Variants in ADAM7 observed in about 807,000 individuals in gnomAD.
The protein encoded by ADAM7 is ADAM metallopeptidase domain 7.
In ADAM7, 97 loss-of-function variants were observed where a neutral mutation model predicts 102.9. The observed-to-expected ratio is 0.94, with a 90% CI of 0.80 to 1.12. The LOEUF (loss-of-function observed/expected upper bound fraction) is 1.12, where lower values mean the gene tolerates loss of function less well. Among genes scored for constraint, ADAM7 ranks in the 50% most tolerant of loss-of-function variants. The pLI is 0.00. For synonymous variants in ADAM7, 334 were observed against 304.4 expected, an observed-to-expected ratio of 1.10 and a Z score of -1.01; for missense variants, 991 against 908.7, an observed-to-expected ratio of 1.09 and a Z score of -1.16.
chr8:24,446,645 GA>G (rs951432703), intron 2 of ADAM7, among the ~76,000 whole-genome samples: 96 of 151,870 alleles, frequency 6.3e-4, no homozygotes, highest in African/African-American at 2.0e-3. Context: ...ATTAAAATAG[GA>G]AATAGTCATG....
chr8:24,499,442 T>G (rs1040052533), intron 17 of ADAM7, 126 bp downstream of exon 17: 1 of 668,712 alleles, frequency 1.5e-6, no homozygotes, highest in African/African-American at 1.9e-5. Context: ...CAAATATATA[T>G]TTGGGATTCA....
intron 20 of ADAM7, chr8:24,506,189 G>C (rs1330441966): frequency 1.4e-6 from 2 of 1,456,798 alleles, no homozygotes; most frequent in Admixed American, 4.6e-5. Flanking sequence ...TTGGTGGTGG[G>C]CTATGTCCTT....
chr8:24,467,735 T>A (rs767136607), intron 6 of ADAM7: 3 of 152,250 alleles, frequency 2.0e-5, no homozygotes, highest in Non-Finnish European at 1.5e-5. Context: ...GAAAGCTGAA[T>A]ACTTAGAAGA....
rs1818361188 is a variant in ADAM7 at position 24,441,179 on chromosome 8, A to C, written c.52+19A>C. The C allele has an allele frequency of 6.3e-7, 1 of 1,599,428 alleles. No individual in the cohort carries two copies. The highest frequency in any genetic ancestry group is 1.7e-5 in the Admixed American group (1 of 59,944). On this transcript the variant is annotated intron_variant, in intron 1 of 21. Coordinates refer to ENST00000175238, the MANE Select transcript of ADAM7 (RefSeq NM_003817.4). ...GTTAAAGGTATGTCTTGCTCTTTTT[A>C]TCAGGACTTTCTTATTATGCTGTGA...
chr8:24,454,459 G>C (rs111624419), intron 3 of ADAM7, among the ~76,000 whole-genome samples: 1 of 152,172 alleles, frequency 6.6e-6, no homozygotes, highest in African/African-American at 2.4e-5. Flanking sequence ...CTCCGAGCCA[G>C]GTGCGGGATA....
At chr8:24,449,864 A>G (rs1416140138) in intron 3 of ADAM7, among the ~76,000 whole-genome samples, 1 of 152,230 alleles carries the variant, frequency 6.6e-6, no homozygotes, top group Non-Finnish European at 1.5e-5. Context: ...AGCTTTCTAC[A>G]TATGGCTAGC....
intron 7 of ADAM7, among the ~76,000 whole-genome samples, chr8:24,472,075 A>C (rs1330607264): frequency 6.6e-6 from 1 of 151,380 alleles, no homozygotes; most frequent in East Asian, 1.9e-4. Context: ...GAGCACCAAA[A>C]GGATACAAAA....
At chr8:24,500,085 T>G in intron 17 of ADAM7, 93 bp from the exon 18 acceptor site, 1 of 1,075,974 alleles carries the variant, frequency 9.3e-7, no homozygotes, top group Non-Finnish European at 1.3e-6. Flanking sequence ...TGTGTGCATG[T>G]ATGTTTGATG....
At chr8:24,490,355 G>A (rs1347040443) in intron 12 of ADAM7, 2 of 153,582 alleles carry the variant, frequency 1.3e-5, no homozygotes, top group African/African-American at 4.8e-5. Flanking sequence ...TGAGAAAATA[G>A]GGCATAAGTT....
In ADAM7 at chr8:24,487,276, C is replaced by T; in HGVS notation, c.1050C>T (p.Cys350=). 1.9e-6 allele frequency: 3 copies of T among 1,613,878 alleles called. No individual in the cohort carries two copies. The highest frequency in any genetic ancestry group is 2.5e-6 in the Non-Finnish European group (3 of 1,179,846). ...NLGMQHDEFP[C]TCPSGKCVMD... ...GGATGCAGCATGACGAGTTCCCATG[C>T]ACCTGTCCTTCAGGAAAATGCGTGA... The change falls in exon 11 of 22, where the codon TGC becomes TGT. Residue 350 remains cysteine, a synonymous_variant. Coordinates refer to ENST00000175238, the MANE Select transcript of ADAM7 (RefSeq NM_003817.4).
At chr8:24,461,056 T>G (rs1039060408) in intron 3 of ADAM7, among the ~76,000 whole-genome samples, 1 of 152,090 alleles carries the variant, frequency 6.6e-6, no homozygotes, top group African/African-American at 2.4e-5. Flanking sequence ...AAATTCTGGG[T>G]TCGCCAATTT....
intron 10 of ADAM7, 73 bp from the exon 11 acceptor site, chr8:24,487,114 C>A: frequency 6.8e-7 from 1 of 1,464,996 alleles, no homozygotes; most frequent in Non-Finnish European, 9.2e-7. Context: ...GTCTTTCAAC[C>A]ACTAGTTTGA....
At chr8:24,475,198 C>T (rs1819728617) in intron 7 of ADAM7, among the ~76,000 whole-genome samples, 1 of 152,166 alleles carries the variant, frequency 6.6e-6, no homozygotes, top group African/African-American at 2.4e-5. Flanking sequence ...TTCCTCCTCC[C>T]TCCCCTCTGA....
chr8:24,473,341 G>T (rs1819667929), intron 7 of ADAM7, among the ~76,000 whole-genome samples: 1 of 152,090 alleles, frequency 6.6e-6, no homozygotes, highest in Non-Finnish European at 1.5e-5. Flanking sequence ...TGTGTCCAAT[G>T]GCTGGCTAGT....
At chr8:24,449,257 A>G (rs189648233) in intron 3 of ADAM7, among the ~76,000 whole-genome samples, 168 of 152,304 alleles carry the variant, frequency 1.1e-3, no homozygotes, top group Non-Finnish European at 1.9e-3. Flanking sequence ...GAACTAGTTT[A>G]CAGTCCCACC....
chr8:24,506,304 T>C, intron 20 of ADAM7: 1 of 684,468 alleles, frequency 1.5e-6, no homozygotes. Flanking sequence ...TGGGACACTC[T>C]GACACTCTGG....
At chr8:24,472,527 C>A (rs1819642086) in intron 7 of ADAM7, among the ~76,000 whole-genome samples, 1 of 151,626 alleles carries the variant, frequency 6.6e-6, no homozygotes, top group Admixed American at 6.6e-5. Context: ...TCTAAAAAAT[C>A]AAATCTGAAA....
intron 3 of ADAM7, among the ~76,000 whole-genome samples, chr8:24,450,155 A>C (rs1484174503): frequency 6.6e-6 from 1 of 152,126 alleles, no homozygotes; most frequent in Non-Finnish European, 1.5e-5. Flanking sequence ...TTCCATATCA[A>C]CTTTAAAGTA....
At chr8:24,485,806 T>G (rs773153098) in intron 10 of ADAM7, among the ~76,000 whole-genome samples, 3 of 152,192 alleles carry the variant, frequency 2.0e-5, no homozygotes, top group Non-Finnish European at 4.4e-5. Context: ...TAAAAACTGT[T>G]GACTCCCTTT....
Sources: gnomAD v4.1 joint callset for allele counts (sites outside exome capture counted in the v4.1 genomes callset) on GRCh38, gnomAD v4.1.1 for gene constraint, MANE v1.5 for transcripts, NCBI Gene and HGNC (gene_info 2026-07-23, HGNC 2026-07-21) for gene names.